DACH2: variants seen among roughly 807,000 people sequenced by gnomAD.
DACH2 encodes dachshund homolog 2.
Under a neutral mutation model 35.8 loss-of-function variants are expected in DACH2, and 17 were observed. That is an observed-to-expected ratio of 0.48 (90% CI 0.33 to 0.71). The LOEUF is 0.71. Among genes scored for constraint, DACH2 ranks in the 30% least tolerant of loss-of-function variants. DACH2 has a pLI of 0.02. For missense variants in DACH2, 469 were observed against 472.7 expected, an observed-to-expected ratio of 0.99 and a Z score of 0.07; for synonymous variants, 195 against 177.3, an observed-to-expected ratio of 1.10 and a Z score of -0.79.
intron 4 of DACH2, among the ~76,000 whole-genome samples, chrX:86,688,453 T>TCAATTC (rs1165867058): frequency 9.0e-6 from 1 of 111,656 alleles, no homozygotes; most frequent in Non-Finnish European, 1.9e-5. Context: ...CAGTGTAAAG[T>TCAATTC]CAATTCCAGA....
intron 6 of DACH2, among the ~76,000 whole-genome samples, chrX:86,734,034 G>C (rs1198461894): frequency 1.8e-5 from 2 of 109,782 alleles, no homozygotes; most frequent in Non-Finnish European, 3.8e-5. Flanking sequence ...GGGTGGCAGA[G>C]TTACAAGCCC....
chrX:86,460,098 C>T (rs2037542501), intron 2 of DACH2, among the ~76,000 whole-genome samples: 1 of 110,394 alleles, frequency 9.1e-6, no homozygotes, highest in Non-Finnish European at 1.9e-5. Context: ...AAAACCTTAG[C>T]CTGCTTTTAC....
chrX:86,517,223 C>G (rs2038482271), intron 3 of DACH2, among the ~76,000 whole-genome samples: 1 of 111,252 alleles, frequency 9.0e-6, no homozygotes, highest in Non-Finnish European at 1.9e-5. Context: ...TGTTTTTTGA[C>G]TTTTTAGTAA....
chrX:86,469,812 G>A (rs1364160222), intron 2 of DACH2, among the ~76,000 whole-genome samples: 1 of 108,995 alleles, frequency 9.2e-6, no homozygotes, highest in Non-Finnish European at 1.9e-5. Flanking sequence ...CTTTCCTAAT[G>A]TGGAAATATA....
At chrX:86,794,098 C>T (rs1040925500) in intron 7 of DACH2, among the ~76,000 whole-genome samples, 2 of 111,349 alleles carry the variant, frequency 1.8e-5, no homozygotes, top group Non-Finnish European at 3.8e-5. Context: ...TACAACAAAA[C>T]ATTTCCCTGT....
In DACH2 at chrX:86,499,697, C is replaced by A. The variant is rs143788313; in HGVS notation, c.528-14582C>A. 6.3e-3 allele frequency among the ~76,000 whole-genome samples: 699 copies of A among 111,677 alleles called. 5 individuals are homozygous for A. Among genetic ancestry groups the A allele is most frequent in the African/African-American group, 0.022 (669 of 30,766 alleles). On this transcript the variant is annotated intron_variant, in intron 2 of 11. Coordinates refer to ENST00000373125, the MANE Select transcript of DACH2 (RefSeq NM_053281.3). ...AGTTAAATTTTGCCAAAATCAGATA[C>A]ATTATCATGTCTTCCTTCATGATTT...
At chrX:86,667,362 A>C (rs1309913201) in intron 4 of DACH2, among the ~76,000 whole-genome samples, 5 of 76,153 alleles carry the variant, frequency 6.6e-5, no homozygotes, top group African/African-American at 2.5e-4. Flanking sequence ...AGGAAGAGGA[A>C]GGGAAGGGAG....
At chrX:86,657,542 A>T (rs898138427) in intron 4 of DACH2, among the ~76,000 whole-genome samples, 5 of 111,382 alleles carry the variant, frequency 4.5e-5, no homozygotes, top group Admixed American at 9.6e-5. Context: ...TATGAGTGGC[A>T]TTTGTTTTAA....
At chrX:86,581,040 T>C (rs1041937307) in intron 3 of DACH2, among the ~76,000 whole-genome samples, 4 of 111,527 alleles carry the variant, frequency 3.6e-5, no homozygotes, top group African/African-American at 1.3e-4. Flanking sequence ...CAGTAGACCT[T>C]TCATCAGAAA....
intron 2 of DACH2, among the ~76,000 whole-genome samples, chrX:86,405,873 G>T (rs1365190653): frequency 8.9e-6 from 1 of 111,739 alleles, no homozygotes; most frequent in Non-Finnish European, 1.9e-5. Context: ...ATACAATCAT[G>T]GTGGAAGGGG....
chrX:86,364,708 T>C (rs1157568477), intron 1 of DACH2, among the ~76,000 whole-genome samples: 1 of 111,883 alleles, frequency 8.9e-6, no homozygotes, highest in African/African-American at 3.2e-5. Context: ...CTTTCTTCTA[T>C]TCTCGCATTT....
At chrX:86,636,945 T>G (rs2148393822) in intron 3 of DACH2, among the ~76,000 whole-genome samples, 1 of 104,559 alleles carries the variant, frequency 9.6e-6, no homozygotes, top group African/African-American at 3.5e-5. Context: ...GGAGAAAATT[T>G]TTTCAAAGTA....
At position 86,799,520 on chromosome X, in the gene DACH2, G is replaced by T. The variant is rs185919278; in HGVS notation, c.1241-13336G>T. Among the ~76,000 whole-genome samples the T allele has an allele frequency of 2.0e-3, 222 of 111,269 alleles. 5 individuals carry two copies. The highest frequency in any genetic ancestry group is 6.8e-3 in the African/African-American group (209 of 30,628). ...TCTCATTCGGACTGGTTGGACAGTGGGTGCTGCCCATGGAGGGAGAGCTGA... is the reference window on the plus strand; with the variant it reads ...TCTCATTCGGACTGGTTGGACAGTGTGTGCTGCCCATGGAGGGAGAGCTGA... On this transcript the variant is annotated intron_variant, in intron 7 of 11. Coordinates refer to ENST00000373125, the MANE Select transcript of DACH2 (RefSeq NM_053281.3).
chrX:86,356,633 A>T (rs184929375), intron 1 of DACH2, among the ~76,000 whole-genome samples: 2 of 111,774 alleles, frequency 1.8e-5, no homozygotes, highest in African/African-American at 6.5e-5. Context: ...CAATATGGCC[A>T]TTTAAACAAT....
At chrX:86,277,936 A>G (rs1055884510) in intron 1 of DACH2, among the ~76,000 whole-genome samples, 3 of 111,977 alleles carry the variant, frequency 2.7e-5, no homozygotes, top group African/African-American at 6.5e-5. Context: ...CTCCTATTCT[A>G]TGCAACAACA....
intron 11 of DACH2, among the ~76,000 whole-genome samples, chrX:86,821,396 C>A (rs898628792): frequency 1.8e-5 from 2 of 111,141 alleles, no homozygotes; most frequent in Non-Finnish European, 3.8e-5. Context: ...AACTTTATTG[C>A]AATGACAATG....
chrX:86,457,229 G>C (rs999759237), intron 2 of DACH2, among the ~76,000 whole-genome samples: 3 of 111,843 alleles, frequency 2.7e-5, no homozygotes, highest in Non-Finnish European at 5.6e-5. Context: ...CAGCCTGTGA[G>C]ACTCAAGGAA....
intron 2 of DACH2, among the ~76,000 whole-genome samples, chrX:86,498,222 G>T (rs1457275398): frequency 1.8e-5 from 2 of 110,611 alleles, no homozygotes; most frequent in Non-Finnish European, 3.8e-5. Context: ...TTTTTTAAAA[G>T]AAGTAATTTG....
chrX:86,341,510 C>T lies in DACH2; in HGVS notation c.489-35314C>T, dbSNP rs7058115. 5.3e-3 allele frequency among the ~76,000 whole-genome samples: 589 copies of T among 112,043 alleles called. 4 individuals carry two copies. The highest frequency in any genetic ancestry group is 0.018 in the African/African-American group (558 of 30,876). ...ACAAAGCATCTGGTCACCCAAGAGCCGTGATTTGTTTTCATGCCTGCTAAC... is the reference window on the plus strand; with the variant it reads ...ACAAAGCATCTGGTCACCCAAGAGCTGTGATTTGTTTTCATGCCTGCTAAC... On this transcript the variant is annotated intron_variant, in intron 1 of 11. Coordinates refer to ENST00000373125, the MANE Select transcript of DACH2 (RefSeq NM_053281.3).
Sources: gnomAD v4.1 joint callset for allele counts (sites outside exome capture counted in the v4.1 genomes callset) on GRCh38, gnomAD v4.1.1 for gene constraint, MANE v1.5 for transcripts, NCBI Gene and HGNC (gene_info 2026-07-23, HGNC 2026-07-21) for gene names.